The following PDE3B variants were observed in gnomAD, a reference collection of about 807,000 sequenced individuals.
The protein encoded by PDE3B is phosphodiesterase 3B, also known as cGMP-inhibited 3',5'-cyclic phosphodiesterase 3B.
A neutral mutation model predicts 116.8 loss-of-function variants in PDE3B; 66 were observed. That is an observed-to-expected ratio of 0.56 (90% CI 0.46 to 0.69). PDE3B has a LOEUF of 0.69. PDE3B is among the 30% of genes least tolerant of loss of function. The probability of loss-of-function intolerance (pLI) is 0.00; values close to 1 mark genes in which losing one functional copy is unlikely to be tolerated. For synonymous variants in PDE3B, 595 were observed against 533.6 expected, an observed-to-expected ratio of 1.12 and a Z score of -1.59; for missense variants, 1,384 against 1,368.1, an observed-to-expected ratio of 1.01 and a Z score of -0.18.
intron 2 of PDE3B, among the ~76,000 whole-genome samples, chr11:14,784,019 T>A (rs890354351): frequency 1.4e-4 from 22 of 152,288 alleles, no homozygotes; most frequent in South Asian, 4.1e-4. Flanking sequence ...GCACAAATCC[T>A]ATGGTGAACT....
intron 7 of PDE3B, among the ~76,000 whole-genome samples, chr11:14,827,153 T>C (rs1565154546): frequency 6.6e-6 from 1 of 152,202 alleles, no homozygotes; most frequent in Non-Finnish European, 1.5e-5. Context: ...AAACTAGGTA[T>C]TGAAGGAACA....
At chr11:14,894,709 G>A in the PDE3B span, among the ~76,000 whole-genome samples, 5 of 152,054 alleles carry the variant, frequency 3.3e-5, no homozygotes, top group African/African-American at 1.2e-4. Flanking sequence ...GTATTCTCAG[G>A]AATAACTATA....
At chr11:14,812,332 A>G (rs1859167209) in intron 5 of PDE3B, among the ~76,000 whole-genome samples, 1 of 152,184 alleles carries the variant, frequency 6.6e-6, no homozygotes, top group Non-Finnish European at 1.5e-5. Flanking sequence ...AGATTTGAAA[A>G]CATCTCTCAA....
At chr11:14,778,684 C>T (rs996051490) in intron 2 of PDE3B, among the ~76,000 whole-genome samples, 15 of 152,092 alleles carry the variant, frequency 9.9e-5, no homozygotes, top group Non-Finnish European at 2.9e-5. Flanking sequence ...CATCAAAGAC[C>T]AAAGGTAGAT....
intron 12 of PDE3B, among the ~76,000 whole-genome samples, chr11:14,851,746 C>T (rs1370034820): frequency 1.3e-5 from 2 of 152,144 alleles, no homozygotes; most frequent in African/African-American, 4.8e-5. Flanking sequence ...CCCATTCTCT[C>T]AAACCTAGCA....
chr11:14,721,915 T>G (rs1395197399), intron 1 of PDE3B, among the ~76,000 whole-genome samples: 3 of 131,590 alleles, frequency 2.3e-5, no homozygotes, highest in East Asian at 2.3e-4. Flanking sequence ...CCCTAAAACT[T>G]AAAGTATAAT....
the PDE3B span, chr11:14,878,367 T>A: frequency 7.1e-7 from 1 of 1,406,664 alleles, no homozygotes; most frequent in African/African-American, 1.4e-5. Flanking sequence ...GTCTAATATT[T>A]GGATGTCATT....
At chr11:14,649,244 C>G (rs1473748202) in intron 1 of PDE3B, among the ~76,000 whole-genome samples, 4 of 152,166 alleles carry the variant, frequency 2.6e-5, no homozygotes, top group Non-Finnish European at 5.9e-5. Flanking sequence ...GCACACTCTT[C>G]TAAGCCTTCT....
chr11:14,817,265 A>G (rs1859362997), intron 5 of PDE3B, among the ~76,000 whole-genome samples: 1 of 151,472 alleles, frequency 6.6e-6, no homozygotes, highest in Non-Finnish European at 1.5e-5. Flanking sequence ...GGTGGGGAAC[A>G]TCACACACTG....
At chr11:14,734,519 G>A (rs1235770729) in intron 1 of PDE3B, among the ~76,000 whole-genome samples, 1 of 152,032 alleles carries the variant, frequency 6.6e-6, no homozygotes, top group Non-Finnish European at 1.5e-5. Flanking sequence ...TTCTCTGATT[G>A]TGTAAAGTTA....
At chr11:14,878,040 A>G in the PDE3B span, 2 of 1,454,794 alleles carry the variant, frequency 1.4e-6, no homozygotes, top group East Asian at 4.5e-5. Context: ...CTTTTATTCT[A>G]ATACACACAT....
chr11:14,758,610 G>A (rs1301105338), intron 1 of PDE3B, among the ~76,000 whole-genome samples: 2 of 145,672 alleles, frequency 1.4e-5, no homozygotes, highest in Admixed American at 6.8e-5. Flanking sequence ...CTGTTTGTCT[G>A]TTGTTGGTGT....
chr11:14,893,295 G>T, the PDE3B span, among the ~76,000 whole-genome samples: 1 of 152,204 alleles, frequency 6.6e-6, no homozygotes, highest in African/African-American at 2.4e-5. Context: ...GTGCGTTATA[G>T]AAAACGCCTG....
chr11:14,735,707 C>T (rs910598910), intron 1 of PDE3B, among the ~76,000 whole-genome samples: 1 of 152,180 alleles, frequency 6.6e-6, no homozygotes, highest in Non-Finnish European at 1.5e-5. Context: ...TAGCTAGTGG[C>T]TCCATATTAG....
At position 14,786,582 on chromosome 11, in the gene PDE3B, G is replaced by A. The variant is rs371446559; in HGVS notation, c.1175G>A (p.Gly392Asp). Residue 392 changes from glycine (G) to aspartate (D), a missense_variant, in exon 3 of 16, where the codon GGT becomes GAT. Physicochemically the swap from Gly to Asp is moderately conservative, Grantham distance 94. Coordinates refer to ENST00000282096, the MANE Select transcript of PDE3B (RefSeq NM_000922.4). ...SISSLMGAFSGSCRPKINPLT... is the reference protein window; with the variant it reads ...SISSLMGAFSDSCRPKINPLT... ...AGTAGCTTAATGGGTGCTTTCTCAG[G>A]TTCCTGTAGGCCAAAGATTAATCCT... 1 of 1,613,100 alleles carries A rather than the reference G, an allele frequency of 6.2e-7. No individual in the cohort carries two copies. Among genetic ancestry groups the A allele is most frequent in the East Asian group, 2.2e-5 (1 of 44,834 alleles).
At chr11:14,689,790 A>C (rs962567765) in intron 1 of PDE3B, among the ~76,000 whole-genome samples, 2 of 152,188 alleles carry the variant, frequency 1.3e-5, no homozygotes, top group African/African-American at 4.8e-5. Context: ...CACTTACATA[A>C]AATCCTTTCA....
At chr11:14,798,045 C>T (rs1162338279) in intron 4 of PDE3B, among the ~76,000 whole-genome samples, 1 of 152,124 alleles carries the variant, frequency 6.6e-6, no homozygotes, top group Non-Finnish European at 1.5e-5. Flanking sequence ...TTTGCCTATT[C>T]AGTATGATAT....
chr11:14,828,354 A>C (rs934353812), intron 7 of PDE3B, among the ~76,000 whole-genome samples: 3 of 152,366 alleles, frequency 2.0e-5, no homozygotes, highest in Non-Finnish European at 4.4e-5. Context: ...TCTGCACAGC[A>C]AAATAAACTA....
At chr11:14,690,213 G>A (rs1485061334) in intron 1 of PDE3B, among the ~76,000 whole-genome samples, 2 of 152,064 alleles carry the variant, frequency 1.3e-5, no homozygotes, top group South Asian at 2.1e-4. Context: ...GGGGCCAGAA[G>A]CTAGTCTGGG....
Sources: gnomAD v4.1 joint callset for allele counts (sites outside exome capture counted in the v4.1 genomes callset) on GRCh38, gnomAD v4.1.1 for gene constraint, MANE v1.5 for transcripts, NCBI Gene and HGNC (gene_info 2026-07-23, HGNC 2026-07-21) for gene names.